KLHDC7B: variants seen among roughly 807,000 people sequenced by gnomAD.
KLHDC7B encodes the protein kelch domain-containing protein 7B.
Under a neutral mutation model 0.6 loss-of-function variants are expected in KLHDC7B, and 1 was observed. That is an observed-to-expected ratio of 1.71 (90% CI 0.61 to 8.11). KLHDC7B has a LOEUF of 8.11. Among genes scored for constraint, KLHDC7B ranks in the 30% most tolerant of loss-of-function variants. KLHDC7B has a pLI of 0.13. For synonymous variants in KLHDC7B, 462 were observed against 405.2 expected, an observed-to-expected ratio of 1.14 and a Z score of -1.68; for missense variants, 993 against 894.9, an observed-to-expected ratio of 1.11 and a Z score of -1.40.
chr22:50,549,040 T>C lies in KLHDC7B; in HGVS notation c.2797T>C (p.Tyr933His). 6 of 1,596,818 alleles carry C rather than the reference T, an allele frequency of 3.8e-6. No individual in the cohort carries two copies. Among genetic ancestry groups the C allele is most frequent in the Non-Finnish European group, 4.2e-6 (5 of 1,177,402 alleles). The change falls in exon 1 of 1, where the codon TAC becomes CAC. Residue 933 changes from tyrosine to histidine, a missense_variant. Physicochemically the swap from Tyr to His is moderately conservative, Grantham distance 83. Coordinates refer to ENST00000648057, the MANE Select transcript of KLHDC7B (RefSeq NM_138433.5). ...VLGVLVLPSL[Y>H]QGGRSGLPRG... Reference sequence around the variant, plus strand: ...GGGCGTCCTCGTACTGCCCAGCCTCTACCAGGGGGGCCGCTCAGGGCTCCC... The same window carrying C: ...GGGCGTCCTCGTACTGCCCAGCCTCCACCAGGGGGGCCGCTCAGGGCTCCC...
rs779277541 is a variant in KLHDC7B, at chr22:50,549,382, C to T, written c.3139C>T (p.Leu1047=). 1.9e-6 allele frequency: 3 copies of T among 1,612,836 alleles called. No individual in the cohort carries two copies. In the South Asian group the frequency reaches 3.3e-5, roughly 18 times the overall value. ...AQLKLVALDG[L]LYAIGGECLY... is the part of the protein sequence containing the mutation. The stretch of plus-strand genomic sequence containing the variant: ...GCTCAAGCTGGTGGCCCTGGACGGG[C>T]TGCTCTATGCCATCGGTGGCGAATG... The change falls in exon 1 of 1, where the codon CTG becomes TTG. Residue 1047 remains leucine (L), a synonymous_variant. Transcript: ENST00000648057.
Position 50,548,619 on chromosome 22 carries a change from G to A in KLHDC7B, c.2376G>A (p.Ser792=), listed in dbSNP as rs765813383. 2.6e-6 allele frequency: 4 copies of A among 1,542,720 alleles called. No homozygotes were observed. The highest frequency in any genetic ancestry group is 1.2e-5 in the South Asian group (1 of 83,880). ...SSEQEVRPAA[S]GDPQGEAPGE... is the part of the protein sequence containing the mutation. ...AGCAGGAGGTCAGGCCGGCCGCCTC[G>A]GGGGACCCTCAAGGGGAGGCGCCGG... is the stretch of plus-strand genomic sequence containing the variant. Residue 792 remains serine, a synonymous_variant, in exon 1 of 1, where the codon TCG becomes TCA. Transcript: ENST00000648057. The surrounding 1 kb of genome is among the most constrained non-coding windows in gnomAD (Gnocchi z 5.3).
In KLHDC7B at chr22:50,549,888, C is replaced by T. The variant is rs148213739; in HGVS notation, c.3645C>T (p.Thr1215=). 9,315 of 1,588,574 alleles carry T rather than the reference C, an allele frequency of 5.9e-3. 63 individuals are homozygous for T. Among genetic ancestry groups the T allele is most frequent in the Middle Eastern group, 0.021 (129 of 6,028 alleles). ...KELQPFPLGS[T]GVLSPFILTL... ...TGCAGCCCTTCCCCTTGGGGAGCAC[C>T]GGGGTCCTCAGTCCATTCATCCTGA... Residue 1215 remains threonine, a synonymous_variant, in exon 1 of 1, where the codon ACC becomes ACT. Coordinates refer to ENST00000648057, the MANE Select transcript of KLHDC7B (RefSeq NM_138433.5).
rs1408623483 is a variant in KLHDC7B at position 50,546,618 on chromosome 22, G to A, written c.375G>A (p.Lys125=). Residue 125 remains lysine, a synonymous_variant, in exon 1 of 1, where the codon AAG becomes AAA. Coordinates refer to ENST00000648057, the MANE Select transcript of KLHDC7B (RefSeq NM_138433.5). ...GLAAMARLPL[K]TAVEEARREA... ...CCGCCATGGCCCGGCTTCCACTCAAGACGGCTGTCGAGGAGGCCCGCAGAG... is the reference window on the plus strand; with the variant it reads ...CCGCCATGGCCCGGCTTCCACTCAAAACGGCTGTCGAGGAGGCCCGCAGAG... 1 of 397,030 alleles carries A rather than the reference G, an allele frequency of 2.5e-6. No individual in the cohort carries two copies. The highest frequency in any genetic ancestry group is 4.4e-6 in the Non-Finnish European group (1 of 225,396). The allele number at this position is 397,030 out of a possible 1,614,324, so 24.6% of individuals were successfully genotyped here. A position where few individuals can be genotyped will look rare whatever the true frequency, so the allele number is the denominator to read the frequency against.
chr22:50,548,711 T>C lies in KLHDC7B; in HGVS notation c.2468T>C (p.Leu823Pro). ...GAAAAGCAGGAGGAGGCCCGGAAGC[T>C]CATGGTGTTTCTGCAGAGGCCCGGG... ...LTEKQEEARK[L>P]MVFLQRPGGW... Residue 823 changes from leucine to proline, a missense_variant, in exon 1 of 1, where the codon CTC (leucine) becomes CCC (proline). Leu to Pro is a moderately conservative substitution (Grantham distance 98). Transcript: ENST00000648057. This position sits in a 1 kb window ranked among gnomAD's most constrained non-coding sequence, Gnocchi z 5.3. 2.0e-6 allele frequency: 3 copies of C among 1,506,574 alleles called. No homozygotes were observed. The highest frequency in any genetic ancestry group is 2.7e-6 in the Non-Finnish European group (3 of 1,128,798). 93.3% of individuals were successfully genotyped at this position (1,506,574 alleles called of 1,614,324 possible). A position where few individuals can be genotyped will look rare whatever the true frequency, so the allele number is the denominator to read the frequency against.
rs139536561 is a variant in KLHDC7B at position 50,549,318 on chromosome 22, C to G, written c.3075C>G (p.Ile1025Met). ...TCTGCTACAACCCTCTGACCAACAT[C>G]TGGAGCCAGGTTCGGCCCATGCAGC... The part of the protein sequence containing the change: ...EVFCYNPLTN[I>M]WSQVRPMQQA... Residue 1025 changes from isoleucine to methionine, a missense_variant, in exon 1 of 1, where the codon ATC becomes ATG. Coordinates refer to ENST00000648057, the MANE Select transcript of KLHDC7B (RefSeq NM_138433.5). 1,335 of 1,612,838 alleles carry G rather than the reference C, an allele frequency of 8.3e-4. 1 individual carries two copies. The highest frequency in any genetic ancestry group is 1.1e-3 in the Non-Finnish European group (1,259 of 1,179,998).
Position 50,550,442 on chromosome 22 carries a change from T to C in KLHDC7B, c.*491T>C, listed in dbSNP as rs979115269. The C allele has an allele frequency of 5.9e-6, 1 of 170,724 alleles. No homozygotes were observed. The highest frequency in any genetic ancestry group is 2.4e-5 in the African/African-American group (1 of 41,562). The allele number at this position is 170,724 out of a possible 1,614,324, so 10.6% of individuals were successfully genotyped here. ...AAGGCCTCCCCAGGTACCAACCCCG[T>C]AGCTATCTGGGTCTGTTTGGCACTG... On this transcript the variant is annotated 3_prime_UTR_variant, in exon 1 of 1. Coordinates refer to ENST00000648057, the MANE Select transcript of KLHDC7B (RefSeq NM_138433.5).
chr22:50,547,307 A>G lies in KLHDC7B; in HGVS notation c.1064A>G (p.Gln355Arg), dbSNP rs1179437540. Among the ~76,000 whole-genome samples the G allele has an allele frequency of 6.6e-6, 1 of 151,264 alleles. No homozygotes were observed. Among genetic ancestry groups the G allele is most frequent in the Non-Finnish European group, 1.5e-5 (1 of 67,762 alleles). The change falls in exon 1 of 1, where the codon CAA (glutamine) becomes CGA (arginine). Residue 355 changes from glutamine (Q) to arginine (R), a missense_variant. By Grantham distance (43) the Gln-to-Arg change is conservative. Coordinates refer to ENST00000648057, the MANE Select transcript of KLHDC7B (RefSeq NM_138433.5). ...CGCCCCTGGCTAGAGAGTCCGCCTCAAGGTCGCCCACTCTCGTCCCAAGGG... is the reference window on the plus strand; with the variant it reads ...CGCCCCTGGCTAGAGAGTCCGCCTCGAGGTCGCCCACTCTCGTCCCAAGGG... Reference protein sequence around the residue: ...STRPWLESPPQGRPLSSQGPG... With the variant: ...STRPWLESPPRGRPLSSQGPG...
Position 50,549,943 on chromosome 22 carries a change from T to G in KLHDC7B, c.3700T>G (p.Ser1234Ala). The G allele has an allele frequency of 6.4e-7, 1 of 1,555,176 alleles. No homozygotes were observed. Among genetic ancestry groups the G allele is most frequent in the Non-Finnish European group, 8.7e-7 (1 of 1,144,472 alleles). Reference protein sequence around the residue: ...TLPPEDRLQTSL With the variant: ...TLPPEDRLQTAL ...GCCCCCTGAGGACCGGCTGCAGACC[T>G]CACTCTGAGTGGCAGGCAGAGAACC... Residue 1234 changes from serine to alanine, a missense_variant, in exon 1 of 1, where the codon TCA (serine) becomes GCA (alanine). By Grantham distance (99) the Ser-to-Ala change is moderately conservative. Coordinates refer to ENST00000648057, the MANE Select transcript of KLHDC7B (RefSeq NM_138433.5).
At position 50,549,913 on chromosome 22, in the gene KLHDC7B, A is replaced by C; in HGVS notation, c.3670A>C (p.Thr1224Pro). ...CGGGGTCCTCAGTCCATTCATCCTG[A>C]CTCTGCCCCCTGAGGACCGGCTGCA... is the stretch of plus-strand genomic sequence containing the variant. The part of the protein sequence containing the change: ...STGVLSPFIL[T>P]LPPEDRLQTS... The change falls in exon 1 of 1, where the codon ACT becomes CCT. Residue 1224 changes from threonine (T) to proline (P), a missense_variant. Coordinates refer to ENST00000648057, the MANE Select transcript of KLHDC7B (RefSeq NM_138433.5). 6 of 1,585,676 alleles carry C rather than the reference A, an allele frequency of 3.8e-6. No individual in the cohort carries two copies. Among genetic ancestry groups the C allele is most frequent in the Non-Finnish European group, 5.2e-6 (6 of 1,163,356 alleles).
In KLHDC7B at chr22:50,550,148, C is replaced by CCGAGA; in HGVS notation, c.*197_*198insCGAGA. 1 of 571,228 alleles carries CCGAGA rather than the reference C, an allele frequency of 1.8e-6. No individual in the cohort carries two copies. The highest frequency in any genetic ancestry group is 3.1e-6 in the Non-Finnish European group (1 of 325,296). The allele number at this position is 571,228 out of a possible 1,614,324, so 35.4% of individuals were successfully genotyped here. On this transcript the variant is annotated 3_prime_UTR_variant, in exon 1 of 1. Transcript: ENST00000648057. Reference sequence around the variant, plus strand: ...TCCCTCAGCCTCTTTCTGCCCCTCACTCCACACCCAGACTGTTTCCTGACT... The same window carrying CCGAGA: ...TCCCTCAGCCTCTTTCTGCCCCTCACCGAGATCCACACCCAGACTGTTTCCTGACT...
At position 50,549,951 on chromosome 22, in the gene KLHDC7B, A is replaced by C; in HGVS notation, c.3708A>C (p.Ter1236CysextTer54). ...PPEDRLQTSL[*>C] ...AGGACCGGCTGCAGACCTCACTCTG[A>C]GTGGCAGGCAGAGAACCAAAGCTGC... Residue 1236 changes from the stop codon to cysteine (C), a stop_lost, in exon 1 of 1, where the codon TGA becomes TGC. Transcript: ENST00000648057. 1 of 1,541,346 alleles carries C rather than the reference A, an allele frequency of 6.5e-7. No homozygotes were observed. The highest frequency in any genetic ancestry group is 8.8e-7 in the Non-Finnish European group (1 of 1,137,386).
Position 50,548,284 on chromosome 22 carries a change from G to A in KLHDC7B, c.2041G>A (p.Gly681Ser), listed in dbSNP as rs878969629. 1 of 1,551,088 alleles carries A rather than the reference G, an allele frequency of 6.4e-7. No homozygotes were observed. The highest frequency in any genetic ancestry group is 8.7e-7 in the Non-Finnish European group (1 of 1,146,940). The change falls in exon 1 of 1, where the codon GGC becomes AGC. Residue 681 changes from glycine to serine, a missense_variant. By Grantham distance (56) the Gly-to-Ser change is moderately conservative. Coordinates refer to ENST00000648057, the MANE Select transcript of KLHDC7B (RefSeq NM_138433.5). The surrounding 1 kb of genome is among the most constrained non-coding windows in gnomAD (Gnocchi z 5.3). The stretch of plus-strand genomic sequence containing the variant: ...TTCCACACACTCTGAGGACAGACAC[G>A]GCCCCTCTTCTTCAGTGGGGACAGT... The part of the protein sequence containing the change: ...STSTHSEDRH[G>S]PSSSVGTVIG...
Position 50,549,666 on chromosome 22 carries a change from G to A in KLHDC7B, c.3423G>A (p.Leu1141=), listed in dbSNP as rs2069782912. ...GGGGCTTCCTGTACCGCTTCGACCT[G>A]CTGCGGGGCGTGGGCGCCGCCGTGA... ...ALGGFLYRFD[L]LRGVGAAVMR... The change falls in exon 1 of 1, where the codon CTG becomes CTA. Residue 1141 remains leucine (L), a synonymous_variant. Coordinates refer to ENST00000648057, the MANE Select transcript of KLHDC7B (RefSeq NM_138433.5). The A allele has an allele frequency of 1.3e-6, 2 of 1,554,880 alleles. No homozygotes were observed. Among genetic ancestry groups the A allele is most frequent in the Non-Finnish European group, 1.7e-6 (2 of 1,149,056 alleles).
Position 50,548,917 on chromosome 22 carries a change from CTGCGAG to C in KLHDC7B, c.2678_2683del (p.Arg893_Val894del). The C allele has an allele frequency of 6.3e-7, 1 of 1,594,518 alleles. No individual in the cohort carries two copies. The highest frequency in any genetic ancestry group is 8.5e-7 in the Non-Finnish European group (1 of 1,171,964). The stretch of plus-strand genomic sequence containing the variant: ...CTACGCGCTGATGAGCGACAACCTG[CTGCGAG>C]TGCTGGGAGACCCGTGCCTCTACCG... On this transcript the variant is annotated inframe_deletion, in exon 1 of 1. Transcript: ENST00000648057. The surrounding 1 kb of genome is among the most constrained non-coding windows in gnomAD (Gnocchi z 5.3).
At position 50,546,121 on chromosome 22, in the gene KLHDC7B, G is replaced by C. The variant is rs2069726061; in HGVS notation, c.-123G>C. ...GAGACCCCACCATTCCCAGGCCCTG[G>C]AGGACTGGTCCACCTTAACTGGGCA... On this transcript the variant is annotated 5_prime_UTR_variant, in exon 1 of 1. Coordinates refer to ENST00000648057, the MANE Select transcript of KLHDC7B (RefSeq NM_138433.5). Among the ~76,000 whole-genome samples, 3 of 152,186 alleles carry C rather than the reference G, an allele frequency of 2.0e-5. 1 individual carries two copies.
rs568523797 is a variant in KLHDC7B at position 50,548,582 on chromosome 22, C to G, written c.2339C>G (p.Ala780Gly). 103 of 1,546,588 alleles carry G rather than the reference C, an allele frequency of 6.7e-5. No homozygotes were observed. In the East Asian group the frequency reaches 2.5e-3, roughly 37 times the overall value. ...CGGAAACGCAGCAGGTGCGAAATCG[C>G]CCCGAGCTCGGAGCAGGAGGTCAGG... is the stretch of plus-strand genomic sequence containing the variant. The part of the protein sequence containing the change: ...QLRKRSRCEI[A>G]PSSEQEVRPA... The change falls in exon 1 of 1, where the codon GCC becomes GGC. Residue 780 changes from alanine (A) to glycine (G), a missense_variant. Coordinates refer to ENST00000648057, the MANE Select transcript of KLHDC7B (RefSeq NM_138433.5). The surrounding 1 kb of genome is among the most constrained non-coding windows in gnomAD (Gnocchi z 5.3).
chr22:50,546,548 G>A lies in KLHDC7B; in HGVS notation c.305G>A (p.Gly102Asp), dbSNP rs753005044. Residue 102 changes from glycine (G) to aspartate (D), a missense_variant, in exon 1 of 1, where the codon GGC (glycine) becomes GAC (aspartate). Coordinates refer to ENST00000648057, the MANE Select transcript of KLHDC7B (RefSeq NM_138433.5). ...GGGAAACCAGAGCCCCCAGGACGCGGCCAGCAGAGCCCTGTCCCTGCTGCA... is the reference window on the plus strand; with the variant it reads ...GGGAAACCAGAGCCCCCAGGACGCGACCAGCAGAGCCCTGTCCCTGCTGCA... ...GQGKPEPPGRGQQSPVPAAAP... is the reference protein window; with the variant it reads ...GQGKPEPPGRDQQSPVPAAAP... 5.0e-6 allele frequency: 2 copies of A among 398,592 alleles called. No individual in the cohort carries two copies. The highest frequency in any genetic ancestry group is 8.9e-6 in the Non-Finnish European group (2 of 225,976). 24.7% of individuals were successfully genotyped at this position (398,592 alleles called of 1,614,324 possible).
Position 50,549,979 on chromosome 22 carries a change from C to T in KLHDC7B, c.*28C>T, listed in dbSNP as rs574396299. ...GGCAGGCAGAGAACCAAAGCTGCTT[C>T]GCTGCTCTCCAGGGAGACCCTCCTG... On this transcript the variant is annotated 3_prime_UTR_variant, in exon 1 of 1. Coordinates refer to ENST00000648057, the MANE Select transcript of KLHDC7B (RefSeq NM_138433.5). 14 of 1,502,644 alleles carry T rather than the reference C, an allele frequency of 9.3e-6. No individual in the cohort carries two copies. Among genetic ancestry groups the T allele is most frequent in the South Asian group, 2.6e-5 (2 of 76,332 alleles). The allele number at this position is 1,502,644 out of a possible 1,614,324, so 93.1% of individuals were successfully genotyped here.
Sources: allele counts gnomAD v4.1 joint callset (sites outside exome capture counted in the v4.1 genomes callset), GRCh38; gene constraint gnomAD v4.1.1; non-coding constraint Gnocchi (gnomAD v3.1); transcripts MANE v1.5; gene names NCBI Gene and HGNC (gene_info 2026-07-23, HGNC 2026-07-21).